The following TXNRD1 variants were observed in gnomAD, a reference collection of about 807,000 sequenced individuals.
The protein encoded by TXNRD1 is thioredoxin reductase 1, also known as thioredoxin reductase 1, cytoplasmic.
A neutral mutation model predicts 80.3 loss-of-function variants in TXNRD1; 57 were observed. The observed-to-expected ratio is 0.71, with a 90% CI of 0.57 to 0.89. TXNRD1 has a LOEUF of 0.89. TXNRD1 is among the 40% of genes least tolerant of loss of function. The pLI is 0.00. For missense variants in TXNRD1, 730 were observed against 803.0 expected (o/e 0.91, Z 1.10); for synonymous variants, 291 against 285.2 (o/e 1.02, Z -0.20).
At chr12:104,244,936 A>G (rs1232063158) in intron 1 of TXNRD1, among the ~76,000 whole-genome samples, 2 of 152,172 alleles carry the variant, frequency 1.3e-5, no homozygotes, top group African/African-American at 4.8e-5. Flanking sequence ...GTATCTAGAA[A>G]GGTTATGGAC....
At chr12:104,306,779 C>A (rs1031002941) in intron 4 of TXNRD1, among the ~76,000 whole-genome samples, 1 of 152,156 alleles carries the variant, frequency 6.6e-6, no homozygotes, top group African/African-American at 2.4e-5. Context: ...CATGGAAGCA[C>A]CATTTGATCT....
At chr12:104,261,117 T>A (rs2033358916) in intron 3 of TXNRD1, among the ~76,000 whole-genome samples, 1 of 152,186 alleles carries the variant, frequency 6.6e-6, no homozygotes, top group African/African-American at 2.4e-5. Flanking sequence ...ATGAATTGAC[T>A]TTTGTCCCGG....
intron 1 of TXNRD1, among the ~76,000 whole-genome samples, chr12:104,245,194 T>A (rs1461809436): frequency 2.6e-5 from 4 of 151,860 alleles, no homozygotes; most frequent in Non-Finnish European, 5.9e-5. Context: ...TTTTTTTTTT[T>A]AAAGCTAGTC....
intron 3 of TXNRD1, among the ~76,000 whole-genome samples, chr12:104,288,103 G>T (rs2034036667): frequency 6.6e-6 from 1 of 152,108 alleles, no homozygotes; most frequent in Non-Finnish European, 1.5e-5. Context: ...CGATTCTCCT[G>T]CCTCAGCCTC....
intron 4 of TXNRD1, among the ~76,000 whole-genome samples, chr12:104,296,440 T>C (rs7298739): frequency 0.5 from 75,332 of 152,040 alleles, 19,072 homozygotes; most frequent in East Asian, 0.62. Flanking sequence ...GGCAAGGTCT[T>C]GCTCTAACCC....
chr12:104,284,853 G>A (rs768361682), intron 3 of TXNRD1, among the ~76,000 whole-genome samples: 1 of 152,082 alleles, frequency 6.6e-6, no homozygotes, highest in Non-Finnish European at 1.5e-5. Flanking sequence ...CAAGAGATGC[G>A]AAATGTATGA....
chr12:104,231,108 A>G (rs146228962), intron 1 of TXNRD1, among the ~76,000 whole-genome samples: 41 of 152,184 alleles, frequency 2.7e-4, no homozygotes, highest in African/African-American at 9.2e-4. Flanking sequence ...GACAAGAAAC[A>G]TTTCTGGAGC....
In TXNRD1 at chr12:104,283,441, G is replaced by A. The variant is rs548569776; in HGVS notation, c.305-5490G>A. Among the ~76,000 whole-genome samples, 53 of 152,014 alleles carry A rather than the reference G, an allele frequency of 3.5e-4. 1 individual carries two copies. The highest frequency in any genetic ancestry group is 3.4e-3 in the Middle Eastern group (1 of 294). On this transcript the variant is annotated intron_variant, in intron 3 of 16. Coordinates refer to ENST00000525566, the MANE Select transcript of TXNRD1 (RefSeq NM_001093771.3). ...TAATTTTTGTATTTTTAGTAGAGAC[G>A]GGGTTTCACCATGTTGGCCAGGCTG...
chr12:104,289,860 G>A (rs1238252745), intron 4 of TXNRD1, among the ~76,000 whole-genome samples: 1 of 152,032 alleles, frequency 6.6e-6, no homozygotes, highest in African/African-American at 2.4e-5. Context: ...AGCCTCCCGA[G>A]TAGCTGAGAT....
At chr12:104,283,485 C>T (rs1462515248) in intron 3 of TXNRD1, among the ~76,000 whole-genome samples, 8 of 151,964 alleles carry the variant, frequency 5.3e-5, no homozygotes, top group Admixed American at 2.6e-4. Context: ...CTCCTGACCT[C>T]GTAATCCACC....
In TXNRD1 at chr12:104,257,951, A is replaced by G. The variant is rs909332752; in HGVS notation, c.244-68A>G. The G allele has an allele frequency of 8.1e-6, 10 of 1,236,632 alleles. No homozygotes were observed. In the South Asian group the frequency reaches 1.3e-4, roughly 15 times the overall value. 76.6% of individuals were successfully genotyped at this position (1,236,632 alleles called of 1,614,324 possible). A position where few individuals can be genotyped will look rare whatever the true frequency, so the allele number is the denominator to read the frequency against. On this transcript the variant is annotated intron_variant, in intron 2 of 16. Transcript: ENST00000525566. ...TTGAGGAAGGAAGTAACAAAGCTGGATAAGAGATTCTCTTGTTGGTTATAA... is the reference window on the plus strand; with the variant it reads ...TTGAGGAAGGAAGTAACAAAGCTGGGTAAGAGATTCTCTTGTTGGTTATAA...
chr12:104,242,247 A>G (rs1175371473), intron 1 of TXNRD1, among the ~76,000 whole-genome samples: 2 of 149,586 alleles, frequency 1.3e-5, no homozygotes, highest in Non-Finnish European at 3.0e-5. Flanking sequence ...CCTACTAATG[A>G]TTTTTTAAAA....
chr12:104,270,804 A>T (rs780585069), intron 3 of TXNRD1, among the ~76,000 whole-genome samples: 5 of 152,018 alleles, frequency 3.3e-5, no homozygotes, highest in Non-Finnish European at 7.4e-5. Context: ...AGTAGGAGGC[A>T]ATATAGCCTC....
At chr12:104,278,871 G>A (rs1196880722) in intron 3 of TXNRD1, among the ~76,000 whole-genome samples, 2 of 152,090 alleles carry the variant, frequency 1.3e-5, no homozygotes, top group African/African-American at 2.4e-5. Flanking sequence ...CCTTGTAAAA[G>A]CTTTTTTTTC....
chr12:104,333,557 C>T (rs2036034664), intron 14 of TXNRD1, among the ~76,000 whole-genome samples: 1 of 151,930 alleles, frequency 6.6e-6, no homozygotes, highest in African/African-American at 2.4e-5. Flanking sequence ...ATCACAACAT[C>T]GAAGAACACT....
chr12:104,321,404 C>T (rs1383105232), intron 10 of TXNRD1, 88 bp downstream of exon 10: 3 of 1,051,650 alleles, frequency 2.9e-6, no homozygotes, highest in Admixed American at 4.1e-5. Flanking sequence ...AGCATCCTTT[C>T]AGCATTATAA....
chr12:104,334,278 G>A lies in TXNRD1; in HGVS notation c.1692G>A (p.Pro564=), dbSNP rs562593393. The change falls in exon 15 of 17, where the codon CCG becomes CCA. Residue 564 remains proline, a synonymous_variant. Coordinates refer to ENST00000525566, the MANE Select transcript of TXNRD1 (RefSeq NM_001093771.3). ...TTTGGCCATTGGAATGGACGATTCC[G>A]TCAAGAGATAACAACAAATGTTATG... ...SYFWPLEWTI[P]SRDNNKCYAK... is the part of the protein sequence containing the mutation. The A allele has an allele frequency of 2.5e-5, 38 of 1,537,664 alleles. No individual in the cohort carries two copies. The highest frequency in any genetic ancestry group is 2.2e-4 in the African/African-American group (16 of 72,794).
chr12:104,295,701 G>C (rs1300862080), intron 4 of TXNRD1, among the ~76,000 whole-genome samples: 1 of 152,120 alleles, frequency 6.6e-6, no homozygotes, highest in East Asian at 1.9e-4. Context: ...TACCCGTTCA[G>C]AATACAAGAC....
intron 2 of TXNRD1, 48 bp downstream of exon 2, chr12:104,251,726 C>T: frequency 6.3e-7 from 1 of 1,591,344 alleles, no homozygotes; most frequent in Non-Finnish European, 8.6e-7. Flanking sequence ...AGGAATTTGA[C>T]AGACTTTTGA....
Sources: allele counts gnomAD v4.1 joint callset (sites outside exome capture counted in the v4.1 genomes callset), GRCh38; gene constraint gnomAD v4.1.1; transcripts MANE v1.5; gene names NCBI Gene and HGNC (gene_info 2026-07-23, HGNC 2026-07-21).